The following GBF1 variants were observed in gnomAD, a reference collection of about 807,000 sequenced individuals.
The protein encoded by GBF1 is Golgi-specific brefeldin A-resistance guanine nucleotide exchange factor 1.
A neutral mutation model predicts 210.5 loss-of-function variants in GBF1; 114 were observed. The ratio of observed to expected loss-of-function variants is 0.54; its 90% CI spans 0.47 to 0.63. GBF1 has a LOEUF of 0.63. GBF1 is among the 30% of genes least tolerant of loss of function. GBF1 has a pLI of 0.00. For missense variants in GBF1, 1,851 were observed against 2,357.7 expected (o/e 0.79, Z 4.45); for synonymous variants, 850 against 889.2 (o/e 0.96, Z 0.78).
rs1284172232 is a variant in GBF1 at position 102,363,355 on chromosome 10, A to G, written c.1976A>G (p.Lys659Arg). 23 of 1,613,968 alleles carry G rather than the reference A, an allele frequency of 1.4e-5. No individual in the cohort carries two copies. Among genetic ancestry groups the G allele is most frequent in the Non-Finnish European group, 1.9e-5 (22 of 1,179,976 alleles). Residue 659 changes from lysine (K) to arginine (R), a missense_variant, in exon 16 of 40, where the codon AAA becomes AGA. Lys to Arg is a conservative substitution (Grantham distance 26). Coordinates refer to ENST00000369983, the MANE Select transcript of GBF1 (RefSeq NM_001377137.1). This position sits in a 1 kb window ranked among gnomAD's most constrained non-coding sequence, Gnocchi z 4.2. ...GGGRLPPEHG[K>R]SGCSDLEEAV... ...GGGCGGCTGCCACCAGAACATGGGA[A>G]ATCAGGATGCAGTGATCTGGAGGAA... is the stretch of plus-strand genomic sequence containing the variant.
intron 3 of GBF1, among the ~76,000 whole-genome samples, chr10:102,322,657 G>A (rs910178207): frequency 9.7e-5 from 14 of 144,888 alleles, no homozygotes; most frequent in African/African-American, 3.6e-4. Flanking sequence ...CGAGGCAGGA[G>A]GATCTCTTGA....
At chr10:102,251,462 T>C (rs377552942) in intron 1 of GBF1, among the ~76,000 whole-genome samples, 3 of 152,342 alleles carry the variant, frequency 2.0e-5, no homozygotes, top group African/African-American at 7.2e-5. Context: ...AAATAAATCA[T>C]GGTCTTTCCC....
chr10:102,261,526 G>A (rs1436557663), intron 3 of GBF1, among the ~76,000 whole-genome samples: 1 of 151,860 alleles, frequency 6.6e-6, no homozygotes, highest in Non-Finnish European at 1.5e-5. Flanking sequence ...AGAAATATGG[G>A]AGAAGATCTG....
chr10:102,238,403 C>T, the GBF1 span, among the ~76,000 whole-genome samples: 1 of 152,244 alleles, frequency 6.6e-6, no homozygotes, highest in Non-Finnish European at 1.5e-5. Flanking sequence ...GAGCAGGAGG[C>T]AGGCAGAGAT....
intron 3 of GBF1, among the ~76,000 whole-genome samples, chr10:102,287,470 G>A (rs1273165335): frequency 6.8e-6 from 1 of 148,008 alleles, no homozygotes; most frequent in Non-Finnish European, 1.5e-5. Context: ...TTACAGGCAT[G>A]AGCCACTGCA....
chr10:102,231,206 A>C, the GBF1 span: 27 of 1,102,536 alleles, frequency 2.4e-5, no homozygotes, highest in Non-Finnish European at 3.1e-5. Flanking sequence ...CGGTCAATAA[A>C]CGAGATGAGG....
intron 11 of GBF1, 129 bp downstream of exon 11, chr10:102,359,564 G>C: frequency 1.5e-6 from 1 of 667,848 alleles, no homozygotes; most frequent in South Asian, 1.8e-5. Flanking sequence ...CTATTTTCTA[G>C]TCAGGAAATG....
chr10:102,250,830 G>A (rs2071421879), intron 1 of GBF1, among the ~76,000 whole-genome samples: 1 of 152,030 alleles, frequency 6.6e-6, no homozygotes, highest in African/African-American at 2.4e-5. Flanking sequence ...GGTTGTGGGC[G>A]CCTGTAATCC....
chr10:102,275,653 T>G (rs2074890811), intron 3 of GBF1, among the ~76,000 whole-genome samples: 1 of 152,246 alleles, frequency 6.6e-6, no homozygotes, highest in Admixed American at 6.5e-5. Flanking sequence ...AGTGCAATTC[T>G]TTCTCCTTTG....
intron 3 of GBF1, among the ~76,000 whole-genome samples, chr10:102,321,977 G>C (rs2056445243): frequency 6.6e-6 from 1 of 152,158 alleles, no homozygotes; most frequent in South Asian, 2.1e-4. Flanking sequence ...TCCCAGCTCA[G>C]CCTCCAGAGT....
In GBF1 at chr10:102,376,386, A is replaced by G. The variant is rs746108755; in HGVS notation, c.4001A>G (p.His1334Arg). ...YTDHGRPGKI[H>R]RSATDADVVN... ...GACCATGGCAGGCCGGGCAAGATAC[A>G]CCGATCAGCCACAGATGCCGATGTG... Residue 1334 changes from histidine (H) to arginine (R), a missense_variant, in exon 31 of 40, where the codon CAC becomes CGC. Physicochemically the swap from His to Arg is conservative, Grantham distance 29. Transcript: ENST00000369983. 19 of 1,613,990 alleles carry G rather than the reference A, an allele frequency of 1.2e-5. No homozygotes were observed. The highest frequency in any genetic ancestry group is 1.5e-5 in the Non-Finnish European group (18 of 1,180,018).
chr10:102,252,937 C>T (rs181425864), intron 1 of GBF1, among the ~76,000 whole-genome samples: 126 of 152,134 alleles, frequency 8.3e-4, no homozygotes, highest in Non-Finnish European at 1.3e-3. Context: ...CTCTGCTGCC[C>T]AGGCTGGAGA....
Position 102,245,779 on chromosome 10 carries a change from C to G in GBF1, c.-13C>G, listed in dbSNP as rs1032110367. On this transcript the variant is annotated splice_region_variant and 5_prime_UTR_variant, in exon 1 of 40. Transcript: ENST00000369983. ...GGCCCCGCCATTTTGGATCCGCTGA[C>G]AGGTCAGCGAAGTCTCTTCCTAGAG... The G allele has an allele frequency of 1.3e-5, 2 of 152,234 alleles. No individual in the cohort carries two copies. The highest frequency in any genetic ancestry group is 2.4e-5 in the African/African-American group (1 of 41,448). 9.4% of individuals were successfully genotyped at this position (152,234 alleles called of 1,614,324 possible). A position where few individuals can be genotyped will look rare whatever the true frequency, so the allele number is the denominator to read the frequency against.
At chr10:102,241,698 C>A (rs2070542836), upstream of GBF1, among the ~76,000 whole-genome samples, 1 of 152,260 alleles carries the variant, frequency 6.6e-6, no homozygotes, top group South Asian at 2.1e-4. The surrounding 1 kb of genome is among the most constrained non-coding windows in gnomAD (Gnocchi z 6.7). Context: ...AAGAACCCCG[C>A]CCTCTGGCCA....
At chr10:102,301,407 A>T (rs1455695749) in intron 3 of GBF1, among the ~76,000 whole-genome samples, 1 of 152,106 alleles carries the variant, frequency 6.6e-6, no homozygotes, top group African/African-American at 2.4e-5. Context: ...CAACAATCTG[A>T]TTTCTCTATC....
At chr10:102,231,981 T>C in the GBF1 span, 1 of 1,610,482 alleles carries the variant, frequency 6.2e-7, no homozygotes, top group Non-Finnish European at 8.5e-7. Flanking sequence ...TCCTGGCCCT[T>C]GCAGCCGTGC....
At chr10:102,252,259 A>G (rs1158853561) in intron 1 of GBF1, among the ~76,000 whole-genome samples, 2 of 151,592 alleles carry the variant, frequency 1.3e-5, no homozygotes, top group East Asian at 3.9e-4. Flanking sequence ...AATCGCTTAA[A>G]CCTGGGAGGC....
chr10:102,358,593 G>C lies in GBF1; in HGVS notation c.875G>C (p.Ser292Thr). 1 of 1,613,906 alleles carries C rather than the reference G, an allele frequency of 6.2e-7. No individual in the cohort carries two copies. Among genetic ancestry groups the C allele is most frequent in the Non-Finnish European group, 8.5e-7 (1 of 1,179,764 alleles). The change falls in exon 10 of 40, where the codon AGT becomes ACT. Residue 292 changes from serine (S) to threonine (T), a missense_variant. Physicochemically the swap from Ser to Thr is moderately conservative, Grantham distance 58. Coordinates refer to ENST00000369983, the MANE Select transcript of GBF1 (RefSeq NM_001377137.1). ...ASAVVSPSTDSGLEFSSQTTS... is the reference protein window; with the variant it reads ...ASAVVSPSTDTGLEFSSQTTS... ...GCAGTGGTCAGTCCCTCTACAGACA[G>C]TGGCCTGGAATTCTCCTCCCAAACC...
intron 3 of GBF1, among the ~76,000 whole-genome samples, chr10:102,312,127 A>G (rs2078494358): frequency 6.6e-6 from 1 of 152,142 alleles, no homozygotes; most frequent in African/African-American, 2.4e-5. Flanking sequence ...CCCTGTCTCT[A>G]CTAAAAATAC....
Sources: gnomAD v4.1 joint callset for allele counts (sites outside exome capture counted in the v4.1 genomes callset) on GRCh38, gnomAD v4.1.1 for gene constraint, Gnocchi (gnomAD v3.1) non-coding constraint, MANE v1.5 for transcripts, NCBI Gene and HGNC (gene_info 2026-07-23, HGNC 2026-07-21) for gene names.